The following FHIT variants were observed in gnomAD, a reference collection of about 807,000 sequenced individuals.
The protein encoded by FHIT is bis(5'-adenosyl)-triphosphatase.
In FHIT, 19 loss-of-function variants were observed where a neutral mutation model predicts 17.9. The observed-to-expected ratio is 1.06, with a 90% CI of 0.74 to 1.56. FHIT has a LOEUF of 1.56. Ranked by LOEUF, FHIT falls within the 40% of genes most tolerant of loss-of-function variation. The probability of loss-of-function intolerance (pLI) is 0.00; values close to 1 mark genes in which losing one functional copy is unlikely to be tolerated. For missense variants in FHIT, 248 were observed against 189.2 expected, an observed-to-expected ratio of 1.31 and a Z score of -1.82; for synonymous variants, 81 against 69.7, an observed-to-expected ratio of 1.16 and a Z score of -0.81.
intron 3 of FHIT, among the ~76,000 whole-genome samples, chr3:60,937,567 CTT>C (rs5849404): frequency 7.4e-6 from 1 of 135,144 alleles, no homozygotes. Flanking sequence ...CTTTTCTTTT[CTT>C]TTTTTTTTTT....
At chr3:59,956,349 C>T (rs142723984) in intron 7 of FHIT, among the ~76,000 whole-genome samples, 3 of 151,900 alleles carry the variant, frequency 2.0e-5, no homozygotes, top group South Asian at 2.1e-4. Flanking sequence ...GTCTGGGCAA[C>T]GAAGCAAGAC....
At chr3:60,134,337 T>C (rs1194577381) in intron 5 of FHIT, among the ~76,000 whole-genome samples, 1 of 152,164 alleles carries the variant, frequency 6.6e-6, no homozygotes, top group Non-Finnish European at 1.5e-5. Context: ...AAAAAGATAA[T>C]CCAATGGGGC....
At chr3:60,708,057 T>C (rs1020991951) in intron 4 of FHIT, among the ~76,000 whole-genome samples, 6 of 152,238 alleles carry the variant, frequency 3.9e-5, no homozygotes, top group East Asian at 1.9e-4. Flanking sequence ...TCTTCATAAA[T>C]ACACATTTAA....
At chr3:61,162,748 C>A (rs751358966) in intron 2 of FHIT, among the ~76,000 whole-genome samples, 1 of 152,118 alleles carries the variant, frequency 6.6e-6, no homozygotes, top group Non-Finnish European at 1.5e-5. Flanking sequence ...CAAAATAATT[C>A]TTGCCTATAG....
chr3:59,889,143 G>A (rs1389748143), intron 8 of FHIT, among the ~76,000 whole-genome samples: 1 of 152,174 alleles, frequency 6.6e-6, no homozygotes, highest in Admixed American at 6.5e-5. Context: ...CCTATTCTCA[G>A]TAATACCCTT....
chr3:59,856,940 G>C (rs140532362), intron 8 of FHIT, among the ~76,000 whole-genome samples: 166 of 151,722 alleles, frequency 1.1e-3, no homozygotes, highest in Middle Eastern at 3.4e-3. Context: ...TGCTCAATTA[G>C]TGAATAAAGA....
chr3:60,007,186 C>G (rs1699958309), intron 7 of FHIT, among the ~76,000 whole-genome samples: 1 of 152,054 alleles, frequency 6.6e-6, no homozygotes. Context: ...GATGAACATA[C>G]CAATTGTTCT....
chr3:60,144,298 T>C (rs1700149764), intron 5 of FHIT, among the ~76,000 whole-genome samples: 1 of 152,234 alleles, frequency 6.6e-6, no homozygotes, highest in Non-Finnish European at 1.5e-5. Context: ...TTGATATGGA[T>C]GGTGCTAGTC....
At chr3:60,365,161 AT>A (rs1255255957) in intron 5 of FHIT, among the ~76,000 whole-genome samples, 1 of 149,036 alleles carries the variant, frequency 6.7e-6, no homozygotes, top group African/African-American at 2.4e-5. Context: ...TTATATATGT[AT>A]TTAATACTAT....
intron 4 of FHIT, among the ~76,000 whole-genome samples, chr3:60,769,700 C>T (rs1022227022): frequency 5.3e-5 from 8 of 152,156 alleles, no homozygotes; most frequent in South Asian, 2.1e-4. Context: ...CTTGTGTGAA[C>T]GCAGTTTGAA....
At chr3:60,230,931 G>A (rs527997955) in intron 5 of FHIT, among the ~76,000 whole-genome samples, 1 of 152,172 alleles carries the variant, frequency 6.6e-6, no homozygotes, top group East Asian at 1.9e-4. Context: ...GGCTGGTCTT[G>A]AACTTTTGGC....
chr3:60,329,558 G>A (rs976959842), intron 5 of FHIT, among the ~76,000 whole-genome samples: 12 of 152,148 alleles, frequency 7.9e-5, no homozygotes, highest in Non-Finnish European at 1.6e-4. Context: ...TTTAACTGTG[G>A]AACAATCTAT....
At chr3:60,851,008 A>G (rs1703132831) in intron 3 of FHIT, among the ~76,000 whole-genome samples, 1 of 152,102 alleles carries the variant, frequency 6.6e-6, no homozygotes, top group African/African-American at 2.4e-5. Flanking sequence ...ATATACACAC[A>G]TACACAAAGG....
rs376454237 is a variant in FHIT at position 60,536,925 on chromosome 3, G to T, written c.38C>A (p.Ser13Tyr). The stretch of plus-strand genomic sequence containing the variant: ...CAGTTCTGTTTTGAGAAACACTACA[G>T]AGGGCTTGATGAGATGTTGGCCAAA... Reference protein sequence around the residue: ...FRFGQHLIKPSVVFLKTELSF... With the variant: ...FRFGQHLIKPYVVFLKTELSF... Residue 13 changes from serine to tyrosine, a missense_variant, in exon 5 of 10, where the codon TCT becomes TAT. Physicochemically the swap from Ser to Tyr is moderately radical, Grantham distance 144. Transcript: ENST00000492590. 3 of 1,613,120 alleles carry T rather than the reference G, an allele frequency of 1.9e-6. No homozygotes were observed. In the African/African-American group the frequency reaches 4.0e-5, roughly 22 times the overall value.
intron 8 of FHIT, among the ~76,000 whole-genome samples, chr3:59,861,345 C>G (rs1043670289): frequency 1.3e-5 from 2 of 152,130 alleles, no homozygotes; most frequent in African/African-American, 4.8e-5. Context: ...GCCCTAATGT[C>G]ATTCTCTGAA....
intron 3 of FHIT, among the ~76,000 whole-genome samples, chr3:60,920,194 T>A (rs1181741669): frequency 3.9e-5 from 6 of 152,124 alleles, no homozygotes; most frequent in African/African-American, 1.2e-4. Flanking sequence ...AATGAATAAA[T>A]GTATGTAAAG....
chr3:60,161,105 A>T (rs1365563831), intron 5 of FHIT, among the ~76,000 whole-genome samples: 1 of 152,136 alleles, frequency 6.6e-6, no homozygotes, highest in Non-Finnish European at 1.5e-5. Flanking sequence ...ATACCTCCTA[A>T]CGAGTATGAC....
rs560040466 is a variant in FHIT, at chr3:61,216,061, A to C, written c.-212-15396T>G. ...AACCCTAGAAGAAAACCTAGGCATT[A>C]CCATTCAGGACATAGGCATGGGCAA... On this transcript the variant is annotated intron_variant, in intron 1 of 9. Transcript: ENST00000492590. Among the ~76,000 whole-genome samples, 6 of 152,292 alleles carry C rather than the reference A, an allele frequency of 3.9e-5. No homozygotes were observed. The East Asian group carries it at 9.6e-4, about 24-fold the overall frequency.
rs75948059 is a variant in FHIT, at chr3:60,763,220, A to G, written c.-18+58699T>C. On this transcript the variant is annotated intron_variant, in intron 4 of 9. Coordinates refer to ENST00000492590, the MANE Select transcript of FHIT (RefSeq NM_002012.4). ...GTGCTGTGTTAAGTTACAAAGCCCA[A>G]TCGAAATGATAGGGATCATTATCAT... Among the ~76,000 whole-genome samples, 4 of 152,332 alleles carry G rather than the reference A, an allele frequency of 2.6e-5. No individual in the cohort carries two copies. The East Asian group carries it at 5.8e-4, about 22-fold the overall frequency.
Sources: allele counts gnomAD v4.1 joint callset (sites outside exome capture counted in the v4.1 genomes callset), GRCh38; gene constraint gnomAD v4.1.1; transcripts MANE v1.5; gene names NCBI Gene and HGNC (gene_info 2026-07-23, HGNC 2026-07-21).